BANF2: variants seen among roughly 807,000 people sequenced by gnomAD.
The protein encoded by BANF2 is BANF family member 2.
BANF2 carries 4 observed loss-of-function variants against 8.0 expected under a neutral mutation model. That is an observed-to-expected ratio of 0.50 (90% CI 0.25 to 1.14). The LOEUF (loss-of-function observed/expected upper bound fraction) is 1.14. BANF2 is among the 50% of genes most tolerant of loss of function. BANF2 has a pLI of 0.16. For missense variants in BANF2, 96 were observed against 107.5 expected (o/e 0.89, Z 0.47); for synonymous variants, 50 against 40.6 (o/e 1.23, Z -0.88).
intron 1 of BANF2, among the ~76,000 whole-genome samples, chr20:17,707,444 G>A (rs1470182824): frequency 3.3e-5 from 5 of 152,126 alleles, no homozygotes; most frequent in South Asian, 2.1e-4. Flanking sequence ...TGTGGTCCCC[G>A]AGTAGGAAGA....
intron 1 of BANF2, 29 bp downstream of exon 1, chr20:17,700,084 A>G: frequency 3.4e-6 from 3 of 870,016 alleles, no homozygotes; most frequent in Non-Finnish European, 4.1e-6. Flanking sequence ...CCCAAGCAGC[A>G]TGGAAGGAGA....
At chr20:17,735,587 T>G in intron 3 of BANF2, 78 bp from the exon 4 acceptor site, 1 of 1,490,264 alleles carries the variant, frequency 6.7e-7, no homozygotes, top group Non-Finnish European at 9.2e-7. Flanking sequence ...GAGCCCTGGT[T>G]GCTGGGAAGG....
chr20:17,707,253 G>C (rs1217829062), intron 1 of BANF2, among the ~76,000 whole-genome samples: 1 of 151,930 alleles, frequency 6.6e-6, no homozygotes, highest in Admixed American at 6.6e-5. Flanking sequence ...AACCGGGCAT[G>C]GTGGCAGGCG....
At chr20:17,695,273 C>T (rs2037337251), upstream of BANF2, among the ~76,000 whole-genome samples, 1 of 151,484 alleles carries the variant, frequency 6.6e-6, no homozygotes, top group Non-Finnish European at 1.5e-5. Flanking sequence ...AAAGGGAAGA[C>T]CCCATCTCTA....
intron 2 of BANF2, among the ~76,000 whole-genome samples, chr20:17,724,378 CT>C (rs770219727): frequency 7.2e-5 from 11 of 152,174 alleles, no homozygotes; most frequent in Non-Finnish European, 1.2e-4. Context: ...CCTTCTCTTC[CT>C]TCTTTTGAGG....
At chr20:17,723,047 A>G (rs571395097) in intron 2 of BANF2, among the ~76,000 whole-genome samples, 169 bp downstream of exon 2, 1 of 152,286 alleles carries the variant, frequency 6.6e-6, no homozygotes, top group South Asian at 2.1e-4. Context: ...TCGGGGCTTC[A>G]TGATCTGCTG....
At chr20:17,700,216 T>C (rs1316258973) in intron 1 of BANF2, among the ~76,000 whole-genome samples, 161 bp downstream of exon 1, 1 of 152,188 alleles carries the variant, frequency 6.6e-6, no homozygotes, top group Non-Finnish European at 1.5e-5. Flanking sequence ...GAAAGCTGAC[T>C]CACCTGATGC....
intron 3 of BANF2, among the ~76,000 whole-genome samples, chr20:17,731,737 G>A (rs1179445197): frequency 2.1e-4 from 27 of 127,578 alleles, no homozygotes; most frequent in Non-Finnish European, 3.8e-4. Context: ...CCTGTGTGAC[G>A]GAATGAGATC....
intron 1 of BANF2, among the ~76,000 whole-genome samples, chr20:17,716,819 G>C (rs1442925309): frequency 8.2e-6 from 1 of 122,446 alleles, no homozygotes; most frequent in African/African-American, 3.1e-5. Flanking sequence ...TTCAGCTTGA[G>C]TGACAGAGCA....
intron 1 of BANF2, among the ~76,000 whole-genome samples, chr20:17,693,925 A>T (rs2037320457): frequency 6.6e-6 from 1 of 152,368 alleles, no homozygotes; most frequent in East Asian, 1.9e-4. Context: ...CCTGATGGGC[A>T]GTGGCAAGCG....
At chr20:17,715,523 C>T (rs1470646138) in intron 1 of BANF2, among the ~76,000 whole-genome samples, 1 of 152,244 alleles carries the variant, frequency 6.6e-6, no homozygotes, top group Non-Finnish European at 1.5e-5. Context: ...TCTTGTTCCC[C>T]ATTGCAGAAT....
In BANF2 at chr20:17,720,546, A is replaced by T. The variant is rs999146111; in HGVS notation, c.-166-2170A>T. ...TTCTTTTTAGATTCTCTGCAGGGCA[A>T]GTTCTACACAGTTCCACTTATATGT... On this transcript the variant is annotated intron_variant, in intron 1 of 3. Coordinates refer to ENST00000246090, the MANE Select transcript of BANF2 (RefSeq NM_178477.5). 1.5e-4 allele frequency among the ~76,000 whole-genome samples: 23 copies of T among 152,346 alleles called. No individual in the cohort carries two copies. The East Asian group carries it at 4.2e-3, about 28-fold the overall frequency.
At chr20:17,724,528 G>T (rs1371163107) in intron 2 of BANF2, among the ~76,000 whole-genome samples, 1 of 152,158 alleles carries the variant, frequency 6.6e-6, no homozygotes, top group African/African-American at 2.4e-5. Context: ...CCACCTGCAG[G>T]CTTTGGATTT....
intron 1 of BANF2, among the ~76,000 whole-genome samples, chr20:17,716,783 G>T (rs1238824657): frequency 4.4e-5 from 6 of 136,732 alleles, no homozygotes; most frequent in African/African-American, 1.6e-4. Context: ...GGAGGTTGCA[G>T]TGAGCCCAAG....
intron 1 of BANF2, among the ~76,000 whole-genome samples, chr20:17,700,613 AAGAG>A (rs1568805043): frequency 1.3e-5 from 2 of 152,308 alleles, no homozygotes; most frequent in East Asian, 3.9e-4. Flanking sequence ...TTGGGACAGT[AAGAG>A]AGCTTTAGGA....
In BANF2 at chr20:17,699,970, C is replaced by G; in HGVS notation, c.-252C>G. The G allele has an allele frequency of 2.0e-6, 2 of 985,258 alleles. No homozygotes were observed. Among genetic ancestry groups the G allele is most frequent in the Non-Finnish European group, 1.2e-6 (1 of 829,728 alleles). 61.0% of individuals were successfully genotyped at this position (985,258 alleles called of 1,614,324 possible). ...ACTGATTTGCCCCATGGGCCTAAGACATAAGCTGAACCTCTGGCCTGCAGT... is the reference window on the plus strand; with the variant it reads ...ACTGATTTGCCCCATGGGCCTAAGAGATAAGCTGAACCTCTGGCCTGCAGT... On this transcript the variant is annotated 5_prime_UTR_variant, in exon 1 of 4. Transcript: ENST00000246090.
upstream of BANF2, among the ~76,000 whole-genome samples, chr20:17,697,110 C>CCT (rs1272232955): frequency 6.6e-6 from 1 of 152,054 alleles, no homozygotes; most frequent in Non-Finnish European, 1.5e-5. Flanking sequence ...GAGCAGAACA[C>CCT]CTAGGAAAGC....
chr20:17,723,387 C>A (rs1405782793), intron 2 of BANF2, among the ~76,000 whole-genome samples: 1 of 152,304 alleles, frequency 6.6e-6, no homozygotes, highest in Middle Eastern at 3.4e-3. Context: ...GTTACTTCCA[C>A]GAAGGAGTTA....
chr20:17,721,107 T>G (rs1347899205), intron 1 of BANF2, among the ~76,000 whole-genome samples: 1 of 152,218 alleles, frequency 6.6e-6, no homozygotes, highest in East Asian at 1.9e-4. Flanking sequence ...CTACCCAGCA[T>G]TCATTTCCTC....
Sources: allele counts gnomAD v4.1 joint callset (sites outside exome capture counted in the v4.1 genomes callset), GRCh38; gene constraint gnomAD v4.1.1; transcripts MANE v1.5; gene names NCBI Gene and HGNC (gene_info 2026-07-23, HGNC 2026-07-21).